Variants in NELL1 observed in about 807,000 individuals in gnomAD.
NELL1 encodes neural EGFL like 1.
Under a neutral mutation model 107.4 loss-of-function variants are expected in NELL1, and 76 were observed. The ratio of observed to expected loss-of-function variants is 0.71; its 90% confidence interval spans 0.59 to 0.86. The LOEUF (loss-of-function observed/expected upper bound fraction) is 0.86. NELL1 is among the 40% of genes least tolerant of loss of function. The pLI, the probability that NELL1 is intolerant of heterozygous loss-of-function variation, is 0.00. For missense variants in NELL1, 1,024 were observed against 1,005.5 expected, an observed-to-expected ratio of 1.02 and a Z score of -0.25; for synonymous variants, 353 against 341.2, an observed-to-expected ratio of 1.03 and a Z score of -0.38.
chr11:21,314,063 C>T (rs1376350148), intron 14 of NELL1, among the ~76,000 whole-genome samples: 2 of 139,530 alleles, frequency 1.4e-5, no homozygotes, highest in African/African-American at 5.2e-5. Flanking sequence ...TCTGGCTTTA[C>T]CTCCACCATG....
intron 12 of NELL1, among the ~76,000 whole-genome samples, chr11:21,108,546 A>G (rs1213740640): frequency 2.0e-5 from 3 of 152,166 alleles, no homozygotes; most frequent in Non-Finnish European, 4.4e-5. Context: ...TTTAAGCCCC[A>G]TTATACTCAA....
At chr11:20,949,344 A>G (rs1344641585) in intron 11 of NELL1, among the ~76,000 whole-genome samples, 1 of 152,208 alleles carries the variant, frequency 6.6e-6, no homozygotes, top group Non-Finnish European at 1.5e-5. Flanking sequence ...TAGGCTAACT[A>G]TGACATCAGA....
intron 2 of NELL1, among the ~76,000 whole-genome samples, chr11:20,777,528 G>A (rs1856773460): frequency 6.6e-6 from 1 of 152,132 alleles, no homozygotes. Context: ...CCAAATAGTG[G>A]GACATGTGCC....
chr11:21,477,527 A>C (rs1323914422), intron 15 of NELL1, among the ~76,000 whole-genome samples: 2 of 152,122 alleles, frequency 1.3e-5, no homozygotes, highest in African/African-American at 4.8e-5. Flanking sequence ...GTTACCAAAA[A>C]CTTAGACCAC....
chr11:20,850,051 C>T (rs1267557492), intron 4 of NELL1, among the ~76,000 whole-genome samples: 1 of 152,094 alleles, frequency 6.6e-6, no homozygotes, highest in Non-Finnish European at 1.5e-5. Flanking sequence ...GGCTGGGCTA[C>T]AACAAATAAA....
intron 13 of NELL1, among the ~76,000 whole-genome samples, chr11:21,165,758 C>CT (rs34509347): frequency 0.12 from 11,624 of 98,508 alleles, 870 homozygotes; most frequent in Non-Finnish European, 0.13. Context: ...ACAATGAGAT[C>CT]TTTTTTTTTT....
intron 12 of NELL1, among the ~76,000 whole-genome samples, chr11:20,973,101 CTTTTT>C (rs761894107): frequency 5.4e-5 from 5 of 92,496 alleles, no homozygotes; most frequent in East Asian, 3.4e-4. Context: ...ATCTTCATTA[CTTTTT>C]TTTTTTTTTT....
chr11:21,407,190 C>A (rs1415327305), intron 15 of NELL1, among the ~76,000 whole-genome samples: 1 of 151,954 alleles, frequency 6.6e-6, no homozygotes, highest in Admixed American at 6.6e-5. Flanking sequence ...CCAAAGTGGG[C>A]AGATCACTTG....
At chr11:21,566,914 G>A (rs1856986442) in intron 17 of NELL1, among the ~76,000 whole-genome samples, 1 of 151,820 alleles carries the variant, frequency 6.6e-6, no homozygotes, top group East Asian at 1.9e-4. Context: ...GCTAAGAGGG[G>A]CCTATTTGGC....
At chr11:21,523,200 A>ATGTC (rs1373586696) in intron 15 of NELL1, among the ~76,000 whole-genome samples, 1 of 151,886 alleles carries the variant, frequency 6.6e-6, no homozygotes. Context: ...CTTATCATTT[A>ATGTC]TGTCTACATG....
chr11:20,899,785 G>T (rs1242709232), intron 5 of NELL1, among the ~76,000 whole-genome samples: 1 of 152,038 alleles, frequency 6.6e-6, no homozygotes, highest in Non-Finnish European at 1.5e-5. Flanking sequence ...AATAAATGCT[G>T]CAAAAATTAA....
chr11:21,197,089 G>A (rs991987204), intron 13 of NELL1, among the ~76,000 whole-genome samples: 4 of 151,732 alleles, frequency 2.6e-5, no homozygotes, highest in African/African-American at 9.7e-5. Flanking sequence ...ATATTGGCTA[G>A]GGTGGTCTCA....
intron 12 of NELL1, among the ~76,000 whole-genome samples, chr11:21,017,543 G>A (rs753862579): frequency 3.9e-5 from 6 of 152,000 alleles, no homozygotes; most frequent in Non-Finnish European, 7.4e-5. Context: ...GTGGTGCAAT[G>A]TTCTCATCAG....
At chr11:21,478,734 C>A (rs1448035299) in intron 15 of NELL1, among the ~76,000 whole-genome samples, 5 of 148,604 alleles carry the variant, frequency 3.4e-5, no homozygotes, top group Non-Finnish European at 7.4e-5. Flanking sequence ...AGGAAACAGT[C>A]AACAAAGTGA....
intron 16 of NELL1, among the ~76,000 whole-genome samples, chr11:21,558,141 A>G (rs1318716147): frequency 6.6e-6 from 1 of 151,988 alleles, no homozygotes; most frequent in Non-Finnish European, 1.5e-5. Context: ...GTGCTTATCA[A>G]TTAATTGATT....
chr11:21,366,452 A>G (rs545680962), intron 14 of NELL1, among the ~76,000 whole-genome samples: 1 of 152,208 alleles, frequency 6.6e-6, no homozygotes, highest in Non-Finnish European at 1.5e-5. Flanking sequence ...ATCACTGTCT[A>G]TAGGGGCCAG....
At chr11:20,758,277 G>A (rs1220406580) in intron 2 of NELL1, among the ~76,000 whole-genome samples, 1 of 152,044 alleles carries the variant, frequency 6.6e-6, no homozygotes, top group African/African-American at 2.4e-5. Flanking sequence ...GCTGTGGCAG[G>A]CATTGTCCTC....
At chr11:21,312,340 A>G (rs1244185103) in intron 14 of NELL1, among the ~76,000 whole-genome samples, 6 of 35,536 alleles carry the variant, frequency 1.7e-4, no homozygotes, top group Non-Finnish European at 3.5e-4. Context: ...TCTTTTAGAA[A>G]GGATTTTTTT....
intron 13 of NELL1, among the ~76,000 whole-genome samples, chr11:21,132,228 T>C (rs1372052501): frequency 1.3e-5 from 2 of 152,016 alleles, no homozygotes; most frequent in Non-Finnish European, 2.9e-5. Context: ...TGTATTTGTA[T>C]ATGCACGCGT....
Sources: gnomAD v4.1 joint callset for allele counts (sites outside exome capture counted in the v4.1 genomes callset) on GRCh38, gnomAD v4.1.1 for gene constraint, MANE v1.5 for transcripts, NCBI Gene and HGNC (gene_info 2026-07-23, HGNC 2026-07-21) for gene names.